The following RYR2 variants were observed in gnomAD, a reference collection of about 807,000 sequenced individuals.
The protein encoded by RYR2 is cardiac muscle ryanodine receptor-calcium release channel.
A neutral mutation model predicts 601.1 loss-of-function variants in RYR2; 227 were observed. That is an observed-to-expected ratio of 0.38 (90% CI 0.34 to 0.42). The LOEUF is 0.42. Among genes scored for constraint, RYR2 ranks in the 10% least tolerant of loss-of-function variants. The pLI is 1.00. For missense variants in RYR2, 4,646 were observed against 6,156.5 expected (o/e 0.75, Z 8.21); for synonymous variants, 2,223 against 2,175.1 (o/e 1.02, Z -0.61).
chr1:237,803,876 T>C (rs1660299697), intron 98 of RYR2, among the ~76,000 whole-genome samples: 1 of 152,108 alleles, frequency 6.6e-6, no homozygotes, highest in African/African-American at 2.4e-5. Flanking sequence ...CTTTTGCTGC[T>C]TTTTTTGGCT....
intron 1 of RYR2, among the ~76,000 whole-genome samples, chr1:237,255,927 G>A (rs181537330): frequency 6.6e-6 from 1 of 151,788 alleles, no homozygotes; most frequent in African/African-American, 2.4e-5. Context: ...GGCCTGCCAA[G>A]GGGGACACAG....
chr1:237,054,492 T>C (rs2148174993), intron 1 of RYR2, among the ~76,000 whole-genome samples: 1 of 152,290 alleles, frequency 6.6e-6, no homozygotes, highest in Non-Finnish European at 1.5e-5. Flanking sequence ...GGAAAACTGA[T>C]AGTAATGATT....
chr1:237,732,157 T>TG lies in RYR2; in HGVS notation c.11039+11dup. The TG allele has an allele frequency of 6.4e-7, 1 of 1,573,538 alleles. No individual in the cohort carries two copies. Among genetic ancestry groups the TG allele is most frequent in the Non-Finnish European group, 8.7e-7 (1 of 1,144,670 alleles). ...AGCTTTAACAGAGAAATGGTATGGTTGGGAGGGTTCCTATGAGACATAGGA... is the reference window on the plus strand; with the variant it reads ...AGCTTTAACAGAGAAATGGTATGGTTGGGGAGGGTTCCTATGAGACATAGGA... On this transcript the variant is annotated intron_variant, in intron 78 of 104. Transcript: ENST00000366574.
chr1:237,580,748 T>C (rs1156679258), intron 29 of RYR2, among the ~76,000 whole-genome samples: 2 of 152,100 alleles, frequency 1.3e-5, no homozygotes, highest in East Asian at 3.9e-4. Context: ...AATGAGGTAA[T>C]AGTGTGGGGC....
At chr1:237,422,840 G>A (rs1300330797) in intron 11 of RYR2, among the ~76,000 whole-genome samples, 1 of 152,154 alleles carries the variant, frequency 6.6e-6, no homozygotes, top group Non-Finnish European at 1.5e-5. Flanking sequence ...GGATGGTACG[G>A]CATTTAAGTC....
intron 16 of RYR2, among the ~76,000 whole-genome samples, chr1:237,458,740 T>TAAA (rs56396692): frequency 2.0e-5 from 3 of 149,192 alleles, no homozygotes; most frequent in African/African-American, 7.4e-5. Context: ...CAAAAAAAGT[T>TAAA]AAAAAAAAAA....
intron 2 of RYR2, among the ~76,000 whole-genome samples, chr1:237,281,032 G>A (rs1025726213): frequency 1.9e-4 from 29 of 152,118 alleles, no homozygotes; most frequent in African/African-American, 7.0e-4. Context: ...TGATCCGCCT[G>A]CCTCAGCCTC....
At chr1:237,276,953 A>G (rs1440505699) in intron 2 of RYR2, among the ~76,000 whole-genome samples, 1 of 152,200 alleles carries the variant, frequency 6.6e-6, no homozygotes, top group Non-Finnish European at 1.5e-5. Context: ...AAATTTCAAA[A>G]TTAAGAAAAA....
intron 1 of RYR2, among the ~76,000 whole-genome samples, chr1:237,238,877 G>A (rs75369658): frequency 0.16 from 24,543 of 152,088 alleles, 2,378 homozygotes; most frequent in Non-Finnish European, 0.23. Flanking sequence ...GAAAAATGAC[G>A]ATAAAAGGTA....
chr1:237,577,502 G>C (rs927453485), intron 29 of RYR2, among the ~76,000 whole-genome samples: 26 of 64,786 alleles, frequency 4.0e-4, no homozygotes, highest in South Asian at 8.4e-4. Flanking sequence ...GTGTGTTTCT[G>C]TGTGTGTGTG....
At chr1:237,116,004 GA>G (rs1670036797) in intron 1 of RYR2, among the ~76,000 whole-genome samples, 1 of 152,200 alleles carries the variant, frequency 6.6e-6, no homozygotes, top group Non-Finnish European at 1.5e-5. Flanking sequence ...AGAAAACTAT[GA>G]GAAGAATTAA....
At chr1:237,774,386 A>G (rs1694496614) in intron 87 of RYR2, among the ~76,000 whole-genome samples, 1 of 152,170 alleles carries the variant, frequency 6.6e-6, no homozygotes, top group South Asian at 2.1e-4. Context: ...AATAAATTGT[A>G]TCCCAGGAGC....
intron 1 of RYR2, among the ~76,000 whole-genome samples, chr1:237,160,525 G>A (rs1572053137): frequency 6.6e-6 from 1 of 152,046 alleles, no homozygotes; most frequent in South Asian, 2.1e-4. Context: ...TAGAACTAAT[G>A]TCTGGGTTTT....
intron 1 of RYR2, among the ~76,000 whole-genome samples, chr1:237,140,558 G>A (rs1173256443): frequency 6.6e-6 from 1 of 152,264 alleles, no homozygotes; most frequent in African/African-American, 2.4e-5. Flanking sequence ...TATAAAATTG[G>A]AGACAATAAA....
At chr1:237,737,326 G>A (rs535378111) in intron 79 of RYR2, among the ~76,000 whole-genome samples, 118 of 152,270 alleles carry the variant, frequency 7.7e-4, no homozygotes, top group African/African-American at 2.7e-3. Context: ...GGGATGTCCA[G>A]CTTGCACCAC....
At position 237,467,749 on chromosome 1, in the gene RYR2, A is replaced by G. The variant is rs139135779; in HGVS notation, c.1613-1343A>G. On this transcript the variant is annotated intron_variant, in intron 16 of 104. Coordinates refer to ENST00000366574, the MANE Select transcript of RYR2 (RefSeq NM_001035.3). Reference sequence around the variant, plus strand: ...AGGACATCTTTAAGTTTAATTGTACACTGTAACTGTAGGGTCTCTTCCCTC... The same window carrying G: ...AGGACATCTTTAAGTTTAATTGTACGCTGTAACTGTAGGGTCTCTTCCCTC... Among the ~76,000 whole-genome samples the G allele has an allele frequency of 1.0e-3, 154 of 152,226 alleles. 2 individuals carry two copies. Among genetic ancestry groups the G allele is most frequent in the African/African-American group, 3.6e-3 (149 of 41,536 alleles).
intron 1 of RYR2, among the ~76,000 whole-genome samples, chr1:237,202,322 A>T (rs1488109021): frequency 3.3e-5 from 5 of 152,146 alleles, no homozygotes; most frequent in Non-Finnish European, 7.3e-5. Flanking sequence ...GCACTTGAAC[A>T]TTGGGAATAG....
chr1:237,618,897 A>C (rs1441983988), intron 38 of RYR2, among the ~76,000 whole-genome samples: 3 of 152,170 alleles, frequency 2.0e-5, no homozygotes, highest in Non-Finnish European at 2.9e-5. Flanking sequence ...CCTTTCTAGC[A>C]AGGTTCACAT....
At chr1:237,330,494 T>C (rs1428539758) in intron 2 of RYR2, among the ~76,000 whole-genome samples, 1 of 152,204 alleles carries the variant, frequency 6.6e-6, no homozygotes, top group Non-Finnish European at 1.5e-5. Context: ...TTCAAACTAT[T>C]CTCCAGCCTC....
Sources: allele counts gnomAD v4.1 joint callset (sites outside exome capture counted in the v4.1 genomes callset), GRCh38; gene constraint gnomAD v4.1.1; transcripts MANE v1.5; gene names NCBI Gene and HGNC (gene_info 2026-07-23, HGNC 2026-07-21).